The following HIP1 variants were observed in gnomAD, a reference collection of about 807,000 sequenced individuals.
The protein encoded by HIP1 is huntingtin interacting protein 1.
Under a neutral mutation model 147.6 loss-of-function variants are expected in HIP1, and 65 were observed. That is an observed-to-expected ratio of 0.44 (90% CI 0.36 to 0.54). The LOEUF is 0.54. Ranked by LOEUF, HIP1 falls within the 20% of genes least tolerant of loss-of-function variation. The pLI is 0.00. For missense variants in HIP1, 1,061 were observed against 1,299.6 expected (o/e 0.82, Z 2.82); for synonymous variants, 479 against 504.0 (o/e 0.95, Z 0.67).
chr7:75,617,083 T>G (rs1423856136), intron 1 of HIP1, among the ~76,000 whole-genome samples: 1 of 150,422 alleles, frequency 6.6e-6, no homozygotes, highest in Non-Finnish European at 1.5e-5. Context: ...ATTTTTTTTT[T>G]TTTTTTTTTT....
At chr7:75,656,743 C>T (rs1289448156) in intron 1 of HIP1, among the ~76,000 whole-genome samples, 1 of 152,186 alleles carries the variant, frequency 6.6e-6, no homozygotes, top group Admixed American at 6.5e-5. Flanking sequence ...TCCCAAAGTG[C>T]TGGGATTACA....
At chr7:75,614,029 C>T (rs373843060) in intron 1 of HIP1, among the ~76,000 whole-genome samples, 1 of 152,184 alleles carries the variant, frequency 6.6e-6, no homozygotes, top group African/African-American at 2.4e-5. Context: ...ATCCTCCCAT[C>T]TCAGCCTCCC....
At chr7:75,572,078 G>T (rs1396447066) in intron 8 of HIP1, among the ~76,000 whole-genome samples, 3 of 152,120 alleles carry the variant, frequency 2.0e-5, no homozygotes, top group Non-Finnish European at 4.4e-5. Flanking sequence ...CAAAAAATTA[G>T]CTGGGTGTGC....
At chr7:75,681,195 G>A (rs1447862982) in intron 1 of HIP1, among the ~76,000 whole-genome samples, 1 of 152,124 alleles carries the variant, frequency 6.6e-6, no homozygotes, top group African/African-American at 2.4e-5. Context: ...TTACGGGCAT[G>A]AGCCACCGCG....
intron 1 of HIP1, among the ~76,000 whole-genome samples, chr7:75,708,692 C>G (rs1320633675): frequency 6.6e-6 from 1 of 152,042 alleles, no homozygotes; most frequent in East Asian, 1.9e-4. Flanking sequence ...TCTGGGCTCT[C>G]TATTGTATTT....
At chr7:75,555,819 C>CA (rs11462452) in intron 18 of HIP1, among the ~76,000 whole-genome samples, 57,085 of 151,932 alleles carry the variant, frequency 0.38, 11,781 homozygotes, top group Non-Finnish European at 0.44. Flanking sequence ...TCTTCTCATA[C>CA]AAAAAAGACA....
rs117568931 is a variant in HIP1, at chr7:75,568,022, C to G, written c.803+177G>C. Reference sequence around the variant, plus strand: ...GTAGAGATGGGGTCTCGCTATGTTGCCCAGCCTGGTGTCAAACTCTTGGCC... The same window carrying G: ...GTAGAGATGGGGTCTCGCTATGTTGGCCAGCCTGGTGTCAAACTCTTGGCC... On this transcript the variant is annotated intron_variant, in intron 9 of 30. Transcript: ENST00000336926. This position sits in a 1 kb window ranked among gnomAD's most constrained non-coding sequence, Gnocchi z 4.1. Among the ~76,000 whole-genome samples, 1 of 152,042 alleles carries G rather than the reference C, an allele frequency of 6.6e-6. No homozygotes were observed. The highest frequency in any genetic ancestry group is 6.6e-5 in the Admixed American group (1 of 15,240).
At chr7:75,614,578 T>TA (rs1422312517) in intron 1 of HIP1, among the ~76,000 whole-genome samples, 1 of 151,924 alleles carries the variant, frequency 6.6e-6, no homozygotes, top group Non-Finnish European at 1.5e-5. Context: ...GGGTGGGGAG[T>TA]GATTGCTTAA....
chr7:75,601,567 G>A (rs587623267), intron 1 of HIP1, among the ~76,000 whole-genome samples: 1 of 151,258 alleles, frequency 6.6e-6, no homozygotes, highest in Non-Finnish European at 1.5e-5. Flanking sequence ...TTGCACTCCA[G>A]CCTGGCTGAG....
At chr7:75,548,124 G>A (rs1554491373) in intron 23 of HIP1, among the ~76,000 whole-genome samples, 1 of 152,132 alleles carries the variant, frequency 6.6e-6, no homozygotes, top group African/African-American at 2.4e-5. Context: ...CGCCTCCTGG[G>A]TTCAAGTGAT....
chr7:75,612,555 T>TC (rs1797480281), intron 1 of HIP1, among the ~76,000 whole-genome samples: 1 of 151,652 alleles, frequency 6.6e-6, no homozygotes, highest in Admixed American at 6.6e-5. Flanking sequence ...ATGCCCGTAA[T>TC]CCCTGAACTT....
In HIP1 at chr7:75,580,892, C is replaced by A. The variant is rs192792495; in HGVS notation, c.604+345G>T. On this transcript the variant is annotated intron_variant, in intron 7 of 30. Coordinates refer to ENST00000336926, the MANE Select transcript of HIP1 (RefSeq NM_005338.7). Reference sequence around the variant, plus strand: ...AAGTAACTGGGATTACAGGCATGTGCCACCATGCCCGGCTAATTTTTATAT... The same window carrying A: ...AAGTAACTGGGATTACAGGCATGTGACACCATGCCCGGCTAATTTTTATAT... 7.1e-4 allele frequency among the ~76,000 whole-genome samples: 108 copies of A among 152,238 alleles called. 1 individual carries two copies. The highest frequency in any genetic ancestry group is 9.0e-4 in the Non-Finnish European group (61 of 68,020).
chr7:75,631,181 C>T (rs1554508816), intron 1 of HIP1, among the ~76,000 whole-genome samples: 1 of 151,570 alleles, frequency 6.6e-6, no homozygotes, highest in Admixed American at 6.6e-5. Flanking sequence ...GCTATTTTTC[C>T]CAGGCTGGTC....
chr7:75,596,868 A>C (rs1400166717), intron 2 of HIP1, among the ~76,000 whole-genome samples: 1 of 152,142 alleles, frequency 6.6e-6, no homozygotes, highest in Non-Finnish European at 1.5e-5. Flanking sequence ...CTGCCGCTGC[A>C]GGCCTGGCCT....
At chr7:75,660,894 A>G (rs1554513493) in intron 1 of HIP1, among the ~76,000 whole-genome samples, 1 of 152,182 alleles carries the variant, frequency 6.6e-6, no homozygotes, top group African/African-American at 2.4e-5. Context: ...TGGGGAAAGC[A>G]TAAAGAGGGA....
chr7:75,695,158 T>C (rs1257120500), intron 1 of HIP1, among the ~76,000 whole-genome samples: 8 of 152,240 alleles, frequency 5.3e-5, no homozygotes, highest in South Asian at 4.1e-4. Flanking sequence ...AAAAAGTTAA[T>C]TGGAAATTCC....
At chr7:75,731,995 C>A (rs1801852461) in intron 1 of HIP1, among the ~76,000 whole-genome samples, 1 of 152,146 alleles carries the variant, frequency 6.6e-6, no homozygotes, top group Admixed American at 6.6e-5. Flanking sequence ...ATCCTTCTAG[C>A]CCAGCCCTAA....
At chr7:75,632,152 C>T (rs1331138064) in intron 1 of HIP1, among the ~76,000 whole-genome samples, 1 of 152,118 alleles carries the variant, frequency 6.6e-6, no homozygotes, top group Admixed American at 6.6e-5. Flanking sequence ...TCTATTGATG[C>T]GTGGTCGCCC....
chr7:75,570,436 C>T (rs954838025), intron 8 of HIP1, among the ~76,000 whole-genome samples: 6 of 151,272 alleles, frequency 4.0e-5, no homozygotes, highest in East Asian at 2.0e-4. Flanking sequence ...GGACTACAGG[C>T]GCCCGCCACC....
Sources: allele counts gnomAD v4.1 joint callset (sites outside exome capture counted in the v4.1 genomes callset), GRCh38; gene constraint gnomAD v4.1.1; non-coding constraint Gnocchi (gnomAD v3.1); transcripts MANE v1.5; gene names NCBI Gene and HGNC (gene_info 2026-07-23, HGNC 2026-07-21).